The following TDP1 variants were observed in gnomAD, a reference collection of about 807,000 sequenced individuals.
TDP1 encodes tyr-DNA phosphodiesterase 1.
In TDP1, 64 loss-of-function variants were observed where a neutral mutation model predicts 81.5. The observed-to-expected ratio is 0.79, with a 90% CI of 0.64 to 0.97. TDP1 has a LOEUF of 0.97. Ranked by LOEUF, TDP1 falls within the 50% of genes least tolerant of loss-of-function variation. TDP1 has a pLI of 0.00. For synonymous variants in TDP1, 256 were observed against 264.3 expected, an observed-to-expected ratio of 0.97 and a Z score of 0.30; for missense variants, 723 against 743.8, an observed-to-expected ratio of 0.97 and a Z score of 0.33.
intron 16 of TDP1, among the ~76,000 whole-genome samples, chr14:90,038,755 T>C (rs992587461): frequency 9.2e-5 from 14 of 152,098 alleles, no homozygotes; most frequent in African/African-American, 3.4e-4. Context: ...GGAGAATCAC[T>C]TGAACCTGGG....
At chr14:89,957,603 C>CG in intron 2 of TDP1, among the ~76,000 whole-genome samples, 1 of 152,268 alleles carries the variant, frequency 6.6e-6, no homozygotes, top group Middle Eastern at 3.4e-3. Context: ...AAGAGAAATG[C>CG]CCCAGCTGGG....
At chr14:90,024,697 A>G (rs1227032707) in intron 15 of TDP1, among the ~76,000 whole-genome samples, 1 of 152,228 alleles carries the variant, frequency 6.6e-6, no homozygotes, top group Admixed American at 6.5e-5. Context: ...TTAGGAGTCC[A>G]CTGCAGTACT....
In TDP1 at chr14:89,998,927, G is replaced by A. The variant is rs145143164; in HGVS notation, c.1541+5444G>A. 3.2e-3 allele frequency among the ~76,000 whole-genome samples: 483 copies of A among 152,140 alleles called. 3 individuals carry two copies. Among genetic ancestry groups the A allele is most frequent in the African/African-American group, 0.011 (452 of 41,492 alleles). ...GGGGTTGCCTGAGGCCTTATTAGTCGTTGGTCTATGGAAAGCAGTTCAATG... is the reference window on the plus strand; with the variant it reads ...GGGGTTGCCTGAGGCCTTATTAGTCATTGGTCTATGGAAAGCAGTTCAATG... On this transcript the variant is annotated intron_variant, in intron 14 of 16. Coordinates refer to ENST00000335725, the MANE Select transcript of TDP1 (RefSeq NM_018319.4).
intron 14 of TDP1, among the ~76,000 whole-genome samples, chr14:89,997,708 T>C (rs1896761446): frequency 6.6e-6 from 1 of 152,174 alleles, no homozygotes; most frequent in African/African-American, 2.4e-5. Flanking sequence ...AGGTGTTCCA[T>C]TGCCAAACAA....
chr14:89,994,017 A>G lies in TDP1; in HGVS notation c.1541+534A>G, dbSNP rs185065967. On this transcript the variant is annotated intron_variant, in intron 14 of 16. Coordinates refer to ENST00000335725, the MANE Select transcript of TDP1 (RefSeq NM_018319.4). Reference sequence around the variant, plus strand: ...AAATTTAGAATATTTTCATCACCCTATAAGAAACCACCTACCTGTTGGCAT... The same window carrying G: ...AAATTTAGAATATTTTCATCACCCTGTAAGAAACCACCTACCTGTTGGCAT... 9.8e-5 allele frequency among the ~76,000 whole-genome samples: 15 copies of G among 152,288 alleles called. No homozygotes were observed. The East Asian group carries it at 2.9e-3, about 29-fold the overall frequency.
chr14:89,996,965 A>G (rs1262324163), intron 14 of TDP1, among the ~76,000 whole-genome samples: 1 of 152,266 alleles, frequency 6.6e-6, no homozygotes, highest in Non-Finnish European at 1.5e-5. Flanking sequence ...CCGCTGTGGC[A>G]AGAATAGAGT....
intron 5 of TDP1, among the ~76,000 whole-genome samples, chr14:89,969,685 C>G (rs1047647818): frequency 4.6e-5 from 7 of 152,178 alleles, no homozygotes; most frequent in African/African-American, 1.4e-4. Context: ...AGCTATTGGG[C>G]AAGAGGTAGT....
At chr14:89,991,297 G>A (rs1045744020) in intron 12 of TDP1, among the ~76,000 whole-genome samples, 4 of 152,124 alleles carry the variant, frequency 2.6e-5, no homozygotes, top group African/African-American at 7.2e-5. Flanking sequence ...TTTTCAAAGT[G>A]TACTTTTAAT....
intron 14 of TDP1, among the ~76,000 whole-genome samples, chr14:89,998,373 TA>T (rs1896829208): frequency 0.051 from 109 of 2,156 alleles, 4 homozygotes; most frequent in Admixed American, 0.11. Flanking sequence ...CCAAGCACAT[TA>T]TATATATATA....
chr14:90,043,108 C>G lies in TDP1; in HGVS notation c.1792C>G (p.Pro598Ala). 1 of 1,614,192 alleles carries G rather than the reference C, an allele frequency of 6.2e-7. No homozygotes were observed. The highest frequency in any genetic ancestry group is 8.5e-7 in the Non-Finnish European group (1 of 1,180,036). ...ATGGAACATTCCTTATGTCAAAGCACCGGATACGCATGGGAACATGTGGGT... is the reference window on the plus strand; with the variant it reads ...ATGGAACATTCCTTATGTCAAAGCAGCGGATACGCATGGGAACATGTGGGT... Reference protein sequence around the residue: ...WIWNIPYVKAPDTHGNMWVPS With the variant: ...WIWNIPYVKAADTHGNMWVPS The change falls in exon 17 of 17, where the codon CCG (proline) becomes GCG (alanine). Residue 598 changes from proline to alanine, a missense_variant. By Grantham distance (27) the Pro-to-Ala change is conservative. Transcript: ENST00000335725.
intron 14 of TDP1, among the ~76,000 whole-genome samples, chr14:89,996,799 C>A (rs953939597): frequency 1.3e-5 from 2 of 152,226 alleles, no homozygotes; most frequent in African/African-American, 4.8e-5. Context: ...TAAGTAGCCA[C>A]CATGTGGCAG....
chr14:89,970,000 C>T (rs941981728), intron 5 of TDP1, among the ~76,000 whole-genome samples: 9 of 149,964 alleles, frequency 6.0e-5, no homozygotes, highest in African/African-American at 2.2e-4. Context: ...CCTCAGCCTC[C>T]CAAGTAGCTG....
chr14:90,042,894 A>C, intron 16 of TDP1, 176 bp from the exon 17 acceptor site: 1 of 985,386 alleles, frequency 1.0e-6, no homozygotes, highest in Non-Finnish European at 1.2e-6. Context: ...TAGTGTCCTA[A>C]TAGGAGCCTT....
At chr14:90,026,631 C>T (rs1886691489) in intron 15 of TDP1, among the ~76,000 whole-genome samples, 1 of 152,148 alleles carries the variant, frequency 6.6e-6, no homozygotes, top group African/African-American at 2.4e-5. Flanking sequence ...CACGACAGGC[C>T]CCGGTGTGTG....
At chr14:89,994,584 A>C (rs1389908302) in intron 14 of TDP1, among the ~76,000 whole-genome samples, 5 of 152,240 alleles carry the variant, frequency 3.3e-5, no homozygotes, top group Admixed American at 2.6e-4. Flanking sequence ...AAGTTTTTGT[A>C]GTTCAGTTCA....
At position 89,996,490 on chromosome 14, in the gene TDP1, G is replaced by T. The variant is rs141409805; in HGVS notation, c.1541+3007G>T. ...TGTTCAGGTCCCATCTCCGCCTGGA[G>T]CCTCTTTCAGCCTCTGCTGGTCCCT... On this transcript the variant is annotated intron_variant, in intron 14 of 16. Transcript: ENST00000335725. 5.3e-5 allele frequency among the ~76,000 whole-genome samples: 8 copies of T among 152,268 alleles called. No homozygotes were observed. In the South Asian group the frequency reaches 1.2e-3, roughly 24 times the overall value.
intron 11 of TDP1, 118 bp downstream of exon 11, chr14:89,989,208 T>C: frequency 9.3e-6 from 10 of 1,077,962 alleles, no homozygotes; most frequent in Non-Finnish European, 1.0e-5. Flanking sequence ...TTTTTTTTTT[T>C]GGCGTGGCGG....
chr14:89,998,726 G>A (rs562457157), intron 14 of TDP1, among the ~76,000 whole-genome samples: 2 of 151,738 alleles, frequency 1.3e-5, no homozygotes, highest in South Asian at 4.2e-4. Flanking sequence ...ATGTGGATGG[G>A]TTGCTGAGGG....
At chr14:90,015,326 C>T (rs770182012) in intron 14 of TDP1, among the ~76,000 whole-genome samples, 11 of 152,148 alleles carry the variant, frequency 7.2e-5, no homozygotes, top group South Asian at 6.2e-4. Context: ...TTTTGTCATA[C>T]GTTTTCAAGT....
Sources: gnomAD v4.1 joint callset for allele counts (sites outside exome capture counted in the v4.1 genomes callset) on GRCh38, gnomAD v4.1.1 for gene constraint, MANE v1.5 for transcripts, NCBI Gene and HGNC (gene_info 2026-07-23, HGNC 2026-07-21) for gene names.